SHOC1: variants seen among roughly 807,000 people sequenced by gnomAD.
SHOC1 encodes the protein shortage in chiasmata 1, also known as protein shortage in chiasmata 1 ortholog.
SHOC1 carries 136 observed loss-of-function variants against 179.2 expected under a neutral mutation model. That is an observed-to-expected ratio of 0.76 (90% CI 0.66 to 0.87). The LOEUF (loss-of-function observed/expected upper bound fraction) is 0.87, where lower values mean the gene tolerates loss of function less well. Among genes scored for constraint, SHOC1 ranks in the 40% least tolerant of loss-of-function variants. SHOC1 has a pLI of 0.00. For synonymous variants in SHOC1, 489 were observed against 586.6 expected, an observed-to-expected ratio of 0.83 and a Z score of 2.41; for missense variants, 1,538 against 1,700.8, an observed-to-expected ratio of 0.90 and a Z score of 1.68.
chr9:111,735,748 T>C (rs528957000), intron 12 of SHOC1, among the ~76,000 whole-genome samples: 1 of 152,346 alleles, frequency 6.6e-6, no homozygotes, highest in East Asian at 1.9e-4. Context: ...TCTAGATCTT[T>C]GAGGAATTGC....
intron 1 of SHOC1, 145 bp downstream of exon 1, chr9:111,794,755 T>C (rs1205197503): frequency 6.6e-6 from 1 of 152,284 alleles, no homozygotes; most frequent in African/African-American, 2.4e-5. Context: ...GTTTTGTCTC[T>C]ACAGAGCCAC....
intron 10 of SHOC1, among the ~76,000 whole-genome samples, chr9:111,744,449 A>T (rs1218643989): frequency 6.6e-6 from 1 of 152,186 alleles, no homozygotes; most frequent in African/African-American, 2.4e-5. Context: ...ATAAAGATAT[A>T]TTTAGGGCCC....
intron 3 of SHOC1, among the ~76,000 whole-genome samples, chr9:111,784,544 T>C (rs1203297364): frequency 6.6e-6 from 1 of 152,240 alleles, no homozygotes; most frequent in Non-Finnish European, 1.5e-5. Context: ...ACCCTTTCTA[T>C]TCTCCAGACA....
At chr9:111,761,700 T>A (rs913911325) in intron 5 of SHOC1, among the ~76,000 whole-genome samples, 4 of 152,084 alleles carry the variant, frequency 2.6e-5, no homozygotes, top group African/African-American at 9.7e-5. Context: ...AAAATATATG[T>A]CAAAATATAA....
chr9:111,778,512 A>T (rs959584590), intron 4 of SHOC1, among the ~76,000 whole-genome samples: 4 of 152,182 alleles, frequency 2.6e-5, no homozygotes, highest in Non-Finnish European at 4.4e-5. Context: ...TCACGCCTGT[A>T]ATCCCAGCAG....
intron 19 of SHOC1, 152 bp downstream of exon 19, chr9:111,707,703 G>T: frequency 1.8e-6 from 1 of 554,656 alleles, no homozygotes. Flanking sequence ...CAGAATTAAA[G>T]TGCCCTATGT....
At chr9:111,769,975 G>GTTTTTTTTTTTTTTTTTTT in intron 5 of SHOC1, among the ~76,000 whole-genome samples, 9 of 87,796 alleles carry the variant, frequency 1.0e-4, no homozygotes, top group African/African-American at 1.6e-4. Flanking sequence ...TTTATCTTCT[G>GTTTTTTTTTTTTTTTTTTT]TTTTTTTTTT....
At chr9:111,707,121 C>T (rs1182767937) in intron 19 of SHOC1, among the ~76,000 whole-genome samples, 1 of 151,804 alleles carries the variant, frequency 6.6e-6, no homozygotes, top group Non-Finnish European at 1.5e-5. Context: ...TATTATCTGG[C>T]AACTTTAAAA....
Position 111,733,234 on chromosome 9 carries a change from A to G in SHOC1, c.1417+5046T>C, listed in dbSNP as rs1279110030. Among the ~76,000 whole-genome samples the G allele has an allele frequency of 2.6e-5, 4 of 152,190 alleles. No homozygotes were observed. The East Asian group carries it at 5.8e-4, about 22-fold the overall frequency. On this transcript the variant is annotated intron_variant, in intron 12 of 27. Transcript: ENST00000682961. ...ATGTATGGCTATGGCTTAAATCACA[A>G]TCTTTGCTTGTATAGATGAACTTTG...
At chr9:111,719,747 A>G (rs1211158695) in intron 15 of SHOC1, among the ~76,000 whole-genome samples, 2 of 152,188 alleles carry the variant, frequency 1.3e-5, no homozygotes, top group Admixed American at 1.3e-4. Flanking sequence ...CAGGTATTCT[A>G]TCTCAGTACT....
chr9:111,692,097 C>T lies in SHOC1; in HGVS notation c.3880G>A (p.Val1294Ile), dbSNP rs750545536. ...FLNHSDSESD[V>I]FSLGLTQMNC... ...ATTTGTGTTAGACCCAAAGAAAAGA[C>T]ATCTGACTCTGAATCACTGTGGTTT... The change falls in exon 27 of 28, where the codon GTC becomes ATC. Residue 1294 changes from valine (V) to isoleucine (I), a missense_variant. Transcript: ENST00000682961. The T allele has an allele frequency of 6.2e-6, 10 of 1,613,696 alleles. No individual in the cohort carries two copies. The African/African-American group carries it at 1.1e-4, about 17-fold the overall frequency.
At chr9:111,723,611 A>T (rs1309391528) in intron 14 of SHOC1, among the ~76,000 whole-genome samples, 181 bp downstream of exon 14, 2 of 152,154 alleles carry the variant, frequency 1.3e-5, no homozygotes, top group Non-Finnish European at 2.9e-5. Context: ...CAATGGGGAG[A>T]GGCAGGGGTA....
At chr9:111,751,001 A>G (rs1352727815) in intron 8 of SHOC1, among the ~76,000 whole-genome samples, 1 of 152,092 alleles carries the variant, frequency 6.6e-6, no homozygotes, top group Non-Finnish European at 1.5e-5. Flanking sequence ...TCTTTAATCC[A>G]TCTTGAGTTA....
intron 11 of SHOC1, among the ~76,000 whole-genome samples, chr9:111,739,060 A>G (rs1833925892): frequency 1.3e-5 from 2 of 152,152 alleles, no homozygotes; most frequent in Admixed American, 1.3e-4. Context: ...TATTATCTGC[A>G]TTATAAACAT....
At position 111,791,370 on chromosome 9, in the gene SHOC1, C is replaced by T. The variant is rs375318757; in HGVS notation, c.45+4G>A. The T allele has an allele frequency of 6.9e-7, 1 of 1,452,726 alleles. No homozygotes were observed. The highest frequency in any genetic ancestry group is 1.5e-5 in the South Asian group (1 of 65,638). The allele number at this position is 1,452,726 out of a possible 1,614,324, so 90.0% of individuals were successfully genotyped here. On this transcript the variant is annotated splice_donor_region_variant and intron_variant, in intron 2 of 27. Transcript: ENST00000682961. Reference sequence around the variant, plus strand: ...AAATAGACAGTAAGCCACTAACACTCTACCTCATATAAATAGTCTATTGCA... The same window carrying T: ...AAATAGACAGTAAGCCACTAACACTTTACCTCATATAAATAGTCTATTGCA...
Position 111,718,200 on chromosome 9 carries a change from G to A in SHOC1, c.2220C>T (p.Ser740=). 1.3e-6 allele frequency: 2 copies of A among 1,596,368 alleles called. No homozygotes were observed. The highest frequency in any genetic ancestry group is 1.1e-5 in the South Asian group (1 of 87,082). The change falls in exon 16 of 28, where the codon AGC becomes AGT. Residue 740 remains serine (S), a synonymous_variant. Coordinates refer to ENST00000682961, the MANE Select transcript of SHOC1 (RefSeq NM_001378211.1). ...VTIRDVLLTC[S]LDTALGYLSK... is the part of the protein sequence containing the mutation. ...CCCACCAACCCAATGCTGTGTCCAA[G>A]CTGCATGTTAAAAGGACATCTCTAA...
chr9:111,696,166 A>G (rs533146226), intron 24 of SHOC1, among the ~76,000 whole-genome samples: 3 of 152,354 alleles, frequency 2.0e-5, no homozygotes, highest in African/African-American at 7.2e-5. Context: ...AGAAAATTAC[A>G]GAACTTTTAA....
intron 5 of SHOC1, among the ~76,000 whole-genome samples, chr9:111,763,011 C>G (rs1014038523): frequency 2.0e-5 from 3 of 151,812 alleles, no homozygotes; most frequent in African/African-American, 7.3e-5. Context: ...AAATCAACTG[C>G]CTTTTGTTAT....
At chr9:111,707,952 A>AGT in intron 18 of SHOC1, 28 bp from the exon 19 acceptor site, 1 of 1,392,984 alleles carries the variant, frequency 7.2e-7, no homozygotes, top group South Asian at 1.4e-5. Context: ...AATTTTTTTC[A>AGT]GTGTCTTGTT....
Sources: allele counts gnomAD v4.1 joint callset (sites outside exome capture counted in the v4.1 genomes callset), GRCh38; gene constraint gnomAD v4.1.1; transcripts MANE v1.5; gene names NCBI Gene and HGNC (gene_info 2026-07-23, HGNC 2026-07-21).